FHL5: variants seen among roughly 807,000 people sequenced by gnomAD.
FHL5 encodes the protein four and a half LIM domains 5.
In FHL5, 33 loss-of-function variants were observed where a neutral mutation model predicts 32.0. The observed-to-expected ratio is 1.03, with a 90% CI of 0.78 to 1.38. The LOEUF is 1.38. Ranked by LOEUF, FHL5 falls within the 40% of genes most tolerant of loss-of-function variation. FHL5 has a pLI of 0.00. For missense variants in FHL5, 336 were observed against 343.9 expected (o/e 0.98, Z 0.18); for synonymous variants, 114 against 113.6 (o/e 1.00, Z -0.02).
In FHL5 at chr6:96,617,210, A is replaced by T. The variant is rs147761949; in HGVS notation, c.*1438A>T. On this transcript the variant is annotated 3_prime_UTR_variant, in exon 6 of 6. Transcript: ENST00000450218. ...TCCATGATCTGTTTTCACATTGGTTATAGCATCTCTTGGATGGAGTAGAGG... is the reference window on the plus strand; with the variant it reads ...TCCATGATCTGTTTTCACATTGGTTTTAGCATCTCTTGGATGGAGTAGAGG... 1.8e-4 allele frequency among the ~76,000 whole-genome samples: 27 copies of T among 152,342 alleles called. No homozygotes were observed. The highest frequency in any genetic ancestry group is 3.8e-4 in the Non-Finnish European group (26 of 68,030).
At chr6:96,602,426 CTTTTTTTTT>C (rs1168636713) in intron 1 of FHL5, among the ~76,000 whole-genome samples, 20 of 33,670 alleles carry the variant, frequency 5.9e-4, no homozygotes, top group Admixed American at 1.7e-3. Context: ...TGCGTTGTTT[CTTTTTTTTT>C]TTTTTTTTTT....
chr6:96,606,677 C>G (rs1562064434), intron 4 of FHL5, among the ~76,000 whole-genome samples: 1 of 152,098 alleles, frequency 6.6e-6, no homozygotes, highest in African/African-American at 2.4e-5. Context: ...TACAAGATCT[C>G]ACGTATTCTG....
chr6:96,606,044 T>G lies in FHL5; in HGVS notation c.477T>G (p.Phe159Leu). 1 of 1,614,092 alleles carries G rather than the reference T, an allele frequency of 6.2e-7. No homozygotes were observed. Among genetic ancestry groups the G allele is most frequent in the Non-Finnish European group, 8.5e-7 (1 of 1,179,956 alleles). ...GTGTGCCATGTTTTGAGAAGGAGTT[T>G]GCTCACTACTGCAACTTTTGTAAGA... ...NYCVPCFEKE[F>L]AHYCNFCKKV... Residue 159 changes from phenylalanine (F) to leucine (L), a missense_variant, in exon 4 of 6, where the codon TTT becomes TTG. Physicochemically the swap from Phe to Leu is conservative, Grantham distance 22. Transcript: ENST00000450218.
chr6:96,571,402 G>A (rs1384314351), intron 1 of FHL5, among the ~76,000 whole-genome samples: 1 of 152,140 alleles, frequency 6.6e-6, no homozygotes, highest in Non-Finnish European at 1.5e-5. Context: ...CTAAAATAAG[G>A]AGACTTAGCT....
intron 5 of FHL5, among the ~76,000 whole-genome samples, chr6:96,612,126 C>T (rs1771422813): frequency 6.6e-6 from 1 of 152,144 alleles, no homozygotes; most frequent in South Asian, 2.1e-4. Context: ...CTGGCCCTTG[C>T]AAGAACTTGC....
chr6:96,575,443 T>A (rs1342188210), intron 1 of FHL5, among the ~76,000 whole-genome samples: 1 of 152,198 alleles, frequency 6.6e-6, no homozygotes, highest in African/African-American at 2.4e-5. Context: ...CAGCCTGAAC[T>A]GAGCTTCTTC....
At chr6:96,603,518 C>T in intron 1 of FHL5, 84 bp from the exon 2 acceptor site, 1 of 957,102 alleles carries the variant, frequency 1.0e-6, no homozygotes. Context: ...TCAAATGCTT[C>T]ACTCACATTA....
At position 96,615,757 on chromosome 6, in the gene FHL5, G is replaced by C. The variant is rs868500858; in HGVS notation, c.840G>C (p.Met280Ile). Residue 280 changes from methionine (M) to isoleucine (I), a missense_variant, in exon 6 of 6, where the codon ATG (methionine) becomes ATC (isoleucine). Coordinates refer to ENST00000450218, the MANE Select transcript of FHL5 (RefSeq NM_001322466.2). ...EIFCQKCGSG[M>I]DTDI ...TCTGCCAAAAATGTGGCTCCGGAAT[G>C]GACACTGACATCTAGGAGACAGTCC... 5.0e-6 allele frequency: 8 copies of C among 1,609,058 alleles called. No individual in the cohort carries two copies. The African/African-American group carries it at 6.7e-5, about 13-fold the overall frequency.
At position 96,563,341 on chromosome 6, in the gene FHL5, C is replaced by A. The variant is rs772937505; in HGVS notation, c.-27C>A. On this transcript the variant is annotated 5_prime_UTR_variant, in exon 1 of 6. Coordinates refer to ENST00000450218, the MANE Select transcript of FHL5 (RefSeq NM_001322466.2). ...GTACTGTTTAAATCACAGGAAGAAG[C>A]GGCTTTAAGACAAAGTGAGTTCTTT... is the stretch of plus-strand genomic sequence containing the variant. 1 of 152,092 alleles carries A rather than the reference C, an allele frequency of 6.6e-6. No homozygotes were observed. The highest frequency in any genetic ancestry group is 2.4e-5 in the African/African-American group (1 of 41,418). 9.4% of individuals were successfully genotyped at this position (152,092 alleles called of 1,614,324 possible).
chr6:96,604,811 ACT>A lies in FHL5; in HGVS notation c.224_225del (p.Ser75PhefsTer11). 6.2e-7 allele frequency: 1 copy of A among 1,613,758 alleles called. No homozygotes were observed. Among genetic ancestry groups the A allele is most frequent in the Non-Finnish European group, 8.5e-7 (1 of 1,179,710 alleles). The stretch of plus-strand genomic sequence containing the variant: ...TGCTTCAAGTGCACCAAATGCAATC[ACT>A]CTTTGGTGGAAAAGCCTTTTGCTGC... On this transcript the variant is annotated frameshift_variant, in exon 3 of 6. Coordinates refer to ENST00000450218, the MANE Select transcript of FHL5 (RefSeq NM_001322466.2). LOFTEE classifies it high-confidence loss of function.
chr6:96,570,038 T>C (rs1770443123), intron 1 of FHL5, among the ~76,000 whole-genome samples: 1 of 151,962 alleles, frequency 6.6e-6, no homozygotes, highest in South Asian at 2.1e-4. Context: ...GTTTGATTCT[T>C]TTCTCTTTCT....
intron 1 of FHL5, 127 bp downstream of exon 1, chr6:96,563,482 G>A (rs1407984088): frequency 6.6e-6 from 1 of 151,886 alleles, no homozygotes; most frequent in African/African-American, 2.4e-5. Context: ...ACTTTTGCTT[G>A]GCAAAAGTGT....
intron 1 of FHL5, among the ~76,000 whole-genome samples, chr6:96,575,852 A>G (rs1444838938): frequency 6.6e-6 from 1 of 152,252 alleles, no homozygotes; most frequent in African/African-American, 2.4e-5. Context: ...CTACCTTTTC[A>G]GTATGGTGTT....
At chr6:96,598,370 T>C (rs758365314) in intron 1 of FHL5, among the ~76,000 whole-genome samples, 25 of 152,288 alleles carry the variant, frequency 1.6e-4, no homozygotes, top group Non-Finnish European at 2.5e-4. Flanking sequence ...ACACACACTG[T>C]AAGAGGATCC....
At chr6:96,570,238 T>C (rs963880142) in intron 1 of FHL5, among the ~76,000 whole-genome samples, 12 of 152,146 alleles carry the variant, frequency 7.9e-5, no homozygotes, top group Non-Finnish European at 1.8e-4. Flanking sequence ...AAGGATAACT[T>C]TGCTGGGTAT....
intron 1 of FHL5, among the ~76,000 whole-genome samples, chr6:96,584,587 T>G (rs1215235714): frequency 6.6e-6 from 1 of 152,002 alleles, no homozygotes; most frequent in African/African-American, 2.4e-5. Flanking sequence ...GTTTAGATTT[T>G]ATAGTCGAAG....
At chr6:96,578,579 C>A (rs751596620) in intron 1 of FHL5, among the ~76,000 whole-genome samples, 1 of 152,090 alleles carries the variant, frequency 6.6e-6, no homozygotes, top group African/African-American at 2.4e-5. Flanking sequence ...CAGTGGCTCA[C>A]GCCTGTAATC....
chr6:96,578,311 T>C (rs1332666394), intron 1 of FHL5, among the ~76,000 whole-genome samples: 1 of 152,204 alleles, frequency 6.6e-6, no homozygotes, highest in East Asian at 1.9e-4. Flanking sequence ...GCACAATTAA[T>C]TTACTGCAAA....
chr6:96,572,358 A>G (rs538390662), intron 1 of FHL5, among the ~76,000 whole-genome samples: 1 of 152,282 alleles, frequency 6.6e-6, no homozygotes, highest in African/African-American at 2.4e-5. Flanking sequence ...TTTTCCCAAG[A>G]GACAGGATGC....
Sources: allele counts gnomAD v4.1 joint callset (sites outside exome capture counted in the v4.1 genomes callset), GRCh38; gene constraint gnomAD v4.1.1; transcripts MANE v1.5; gene names NCBI Gene and HGNC (gene_info 2026-07-23, HGNC 2026-07-21).